MTF2: variants seen among roughly 807,000 people sequenced by gnomAD.
MTF2 encodes metal-response element-binding transcription factor 2.
Under a neutral mutation model 79.5 loss-of-function variants are expected in MTF2, and 11 were observed. The observed-to-expected ratio is 0.14, with a 90% confidence interval of 0.09 to 0.23. The LOEUF is 0.23. Among genes scored for constraint, MTF2 ranks in the 10% least tolerant of loss-of-function variants. MTF2 has a pLI of 1.00. For missense variants in MTF2, 486 were observed against 711.2 expected (o/e 0.68, Z 3.60); for synonymous variants, 208 against 232.8 (o/e 0.89, Z 0.97).
In MTF2 at chr1:93,086,289, A is replaced by G. The variant is rs1557539614; in HGVS notation, c.5+6758A>G. On this transcript the variant is annotated intron_variant, in intron 1 of 14. Transcript: ENST00000370298. ...GAGGCTGAGGCGGGCGGATCGCTTGAGGCCAGGAGTTTGAGACCAGCTGGG... is the reference window on the plus strand; with the variant it reads ...GAGGCTGAGGCGGGCGGATCGCTTGGGGCCAGGAGTTTGAGACCAGCTGGG... Among the ~76,000 whole-genome samples the G allele has an allele frequency of 2.0e-5, 3 of 152,220 alleles. No individual in the cohort carries two copies. In the East Asian group the frequency reaches 5.8e-4, roughly 29 times the overall value.
At chr1:93,101,863 C>T (rs1173511640) in intron 1 of MTF2, among the ~76,000 whole-genome samples, 1 of 152,028 alleles carries the variant, frequency 6.6e-6, no homozygotes, top group Non-Finnish European at 1.5e-5. Context: ...CAGGTGTGAG[C>T]CACAATGCCT....
At chr1:93,135,388 C>T (rs1328931317) in intron 14 of MTF2, among the ~76,000 whole-genome samples, 1 of 152,098 alleles carries the variant, frequency 6.6e-6, no homozygotes, top group African/African-American at 2.4e-5. Flanking sequence ...GTTCATAATT[C>T]GAAAACTGCT....
intron 1 of MTF2, among the ~76,000 whole-genome samples, chr1:93,087,058 C>T (rs575902646): frequency 6.6e-6 from 1 of 152,126 alleles, no homozygotes; most frequent in African/African-American, 2.4e-5. Context: ...GTTGTGCCAC[C>T]TGCGTTTTGA....
At chr1:93,136,600 A>G (rs988214400) in intron 14 of MTF2, 70 bp from the exon 15 acceptor site, 21 of 1,252,192 alleles carry the variant, frequency 1.7e-5, no homozygotes, top group Non-Finnish European at 2.4e-5. Context: ...TCCAGAAAAG[A>G]GAACATATTG....
chr1:93,079,319 G>A lies in MTF2; in HGVS notation c.-208G>A, dbSNP rs1175975955. On this transcript the variant is annotated 5_prime_UTR_variant, in exon 1 of 15. Coordinates refer to ENST00000370298, the MANE Select transcript of MTF2 (RefSeq NM_007358.4). Reference sequence around the variant, plus strand: ...AACCAAAATGGCGAGGGGCTGTATTGAAGTGGGCTGTGTTTGAGGCCGGTG... The same window carrying A: ...AACCAAAATGGCGAGGGGCTGTATTAAAGTGGGCTGTGTTTGAGGCCGGTG... 3.3e-6 allele frequency: 2 copies of A among 615,046 alleles called. No homozygotes were observed. The highest frequency in any genetic ancestry group is 5.8e-6 in the Non-Finnish European group (2 of 344,994). The allele number at this position is 615,046 out of a possible 1,614,324, so 38.1% of individuals were successfully genotyped here.
chr1:93,097,826 G>A (rs1655360132), intron 1 of MTF2, among the ~76,000 whole-genome samples: 1 of 152,130 alleles, frequency 6.6e-6, no homozygotes, highest in Non-Finnish European at 1.5e-5. Context: ...GCGAGCTCCT[G>A]ACCTTAAATG....
At chr1:93,127,640 CA>C (rs1194270687) in intron 10 of MTF2, among the ~76,000 whole-genome samples, 1 of 151,982 alleles carries the variant, frequency 6.6e-6, no homozygotes, top group Non-Finnish European at 1.5e-5. Flanking sequence ...TGGGAATATT[CA>C]AAAGATAGAG....
intron 1 of MTF2, among the ~76,000 whole-genome samples, chr1:93,084,258 T>C (rs1284851817): frequency 6.6e-6 from 1 of 152,186 alleles, no homozygotes; most frequent in Non-Finnish European, 1.5e-5. Context: ...TCTTTCCTCA[T>C]TGACTTGTGT....
chr1:93,104,402 C>T (rs184961419), intron 1 of MTF2, among the ~76,000 whole-genome samples: 201 of 151,868 alleles, frequency 1.3e-3, no homozygotes, highest in African/African-American at 4.6e-3. Flanking sequence ...AAATGTACCC[C>T]GGGCGCTGTG....
intron 8 of MTF2, 84 bp downstream of exon 8, chr1:93,119,485 G>T: frequency 4.9e-6 from 5 of 1,017,526 alleles, no homozygotes; most frequent in South Asian, 4.7e-5. Context: ...CATTTACTTG[G>T]CTTAAGTAAA....
chr1:93,127,685 T>G (rs1351001420), intron 10 of MTF2, among the ~76,000 whole-genome samples: 1 of 152,196 alleles, frequency 6.6e-6, no homozygotes. Flanking sequence ...TTAAAAAGAT[T>G]GAGATCTGTG....
At chr1:93,096,808 C>G (rs1010738382) in intron 1 of MTF2, among the ~76,000 whole-genome samples, 2 of 136,244 alleles carry the variant, frequency 1.5e-5, no homozygotes, top group African/African-American at 5.6e-5. Context: ...TTTTCTTTTT[C>G]TTTTTTTTTT....
intron 3 of MTF2, among the ~76,000 whole-genome samples, chr1:93,113,657 T>C (rs996349954): frequency 6.6e-6 from 1 of 152,146 alleles, no homozygotes; most frequent in Non-Finnish European, 1.5e-5. Flanking sequence ...AGAAGAAATA[T>C]TACATAGTAT....
rs533621211 is a variant in MTF2, at chr1:93,079,483, T to G, written c.-44T>G. The G allele has an allele frequency of 6.2e-6, 10 of 1,613,786 alleles. No homozygotes were observed. In the East Asian group the frequency reaches 6.7e-5, roughly 11 times the overall value. ...GAAGCGCCCACGGGGACGGATTGGT[T>G]GTTTTTTCCTGTATGAAGCGGTTGG... On this transcript the variant is annotated 5_prime_UTR_variant, in exon 1 of 15. Coordinates refer to ENST00000370298, the MANE Select transcript of MTF2 (RefSeq NM_007358.4).
intron 1 of MTF2, among the ~76,000 whole-genome samples, chr1:93,082,622 A>G (rs944331096): frequency 6.6e-6 from 1 of 152,052 alleles, no homozygotes; most frequent in African/African-American, 2.4e-5. Context: ...TTTTAGGTGA[A>G]GTTTACATAT....
At chr1:93,106,571 G>A (rs1361978393) in intron 1 of MTF2, among the ~76,000 whole-genome samples, 2 of 151,016 alleles carry the variant, frequency 1.3e-5, no homozygotes, top group Non-Finnish European at 2.9e-5. Context: ...CCAGGCTGGA[G>A]TGCAATGGTG....
chr1:93,084,144 T>C (rs943832372), intron 1 of MTF2, among the ~76,000 whole-genome samples: 10 of 152,200 alleles, frequency 6.6e-5, no homozygotes, highest in Non-Finnish European at 1.0e-4. Flanking sequence ...GTCCGTCATC[T>C]ATTTTGAGTC....
In MTF2 at chr1:93,136,885, A is replaced by G; in HGVS notation, c.1640A>G (p.His547Arg). ...GCAGATCAGGAGTTACAACTCAATCATCTAAAGAACTCCATTACCAGTTAT... is the reference window on the plus strand; with the variant it reads ...GCAGATCAGGAGTTACAACTCAATCGTCTAAAGAACTCCATTACCAGTTAT... ...NLADQELQLN[H>R]LKNSITSYFG... Residue 547 changes from histidine to arginine, a missense_variant, in exon 15 of 15, where the codon CAT (histidine) becomes CGT (arginine). Around this residue, in one of 4 missense-constraint regions of MTF2, gnomAD observed 209 missense variants for 206.5 expected, o/e 1.01. Transcript: ENST00000370298. 6.2e-7 allele frequency: 1 copy of G among 1,614,220 alleles called. No homozygotes were observed. The highest frequency in any genetic ancestry group is 8.5e-7 in the Non-Finnish European group (1 of 1,180,026).
At chr1:93,128,198 A>T (rs1656776336) in intron 10 of MTF2, among the ~76,000 whole-genome samples, 2 of 152,180 alleles carry the variant, frequency 1.3e-5, no homozygotes, top group African/African-American at 2.4e-5. Flanking sequence ...AGTTTAGGGT[A>T]CCAGAAATAT....
Sources: allele counts gnomAD v4.1 joint callset (sites outside exome capture counted in the v4.1 genomes callset), GRCh38; gene constraint gnomAD v4.1.1; regional missense constraint gnomAD v4.1.1; transcripts MANE v1.5; gene names NCBI Gene and HGNC (gene_info 2026-07-23, HGNC 2026-07-21).